The following CACNB2 variants were observed in gnomAD, a reference collection of about 807,000 sequenced individuals.
CACNB2 encodes voltage-dependent L-type calcium channel subunit beta-2.
A neutral mutation model predicts 73.3 loss-of-function variants in CACNB2; 42 were observed. The observed-to-expected ratio is 0.57, with a 90% confidence interval of 0.45 to 0.74. CACNB2 has a LOEUF of 0.74. Ranked by LOEUF, CACNB2 falls within the 30% of genes least tolerant of loss-of-function variation. The pLI, the probability that CACNB2 is intolerant of heterozygous loss-of-function variation, is 0.00. For synonymous variants in CACNB2, 348 were observed against 310.3 expected (o/e 1.12, Z -1.28); for missense variants, 940 against 853.0 (o/e 1.10, Z -1.27).
At chr10:18,457,825 G>T (rs1255100058) in intron 3 of CACNB2, among the ~76,000 whole-genome samples, 1 of 152,148 alleles carries the variant, frequency 6.6e-6, no homozygotes, top group Non-Finnish European at 1.5e-5. Flanking sequence ...GGGAGGCGGA[G>T]GTTGTGGTGA....
intron 3 of CACNB2, among the ~76,000 whole-genome samples, chr10:18,493,780 A>T: frequency 6.6e-6 from 1 of 152,130 alleles, no homozygotes; most frequent in Non-Finnish European, 1.5e-5. Flanking sequence ...TATGGAGAAT[A>T]CCTTCCACAT....
At chr10:18,532,706 A>AAAC (rs2053182861) in intron 10 of CACNB2, among the ~76,000 whole-genome samples, 6 of 64,766 alleles carry the variant, frequency 9.3e-5, no homozygotes, top group African/African-American at 3.2e-4. Flanking sequence ...ACAAAACAAA[A>AAAC]AAACAAACAA....
intron 2 of CACNB2, among the ~76,000 whole-genome samples, chr10:18,308,515 C>T (rs1159508367): frequency 6.6e-6 from 1 of 152,172 alleles, no homozygotes; most frequent in African/African-American, 2.4e-5. Flanking sequence ...TAGTGTCCTA[C>T]AGCAAAATTT....
At chr10:18,533,637 C>T (rs575704590) in intron 10 of CACNB2, among the ~76,000 whole-genome samples, 1 of 152,234 alleles carries the variant, frequency 6.6e-6, no homozygotes, top group Non-Finnish European at 1.5e-5. Flanking sequence ...ATCTAGACGG[C>T]ATACAGGTGA....
intron 2 of CACNB2, among the ~76,000 whole-genome samples, chr10:18,313,342 TG>T (rs2040032754): frequency 6.7e-6 from 1 of 150,180 alleles, no homozygotes. Context: ...CATGGTAGGA[TG>T]GTTAGCAGCG....
At chr10:18,146,830 C>T (rs542572971) in intron 1 of CACNB2, among the ~76,000 whole-genome samples, 128 of 152,214 alleles carry the variant, frequency 8.4e-4, no homozygotes, top group African/African-American at 2.9e-3. Context: ...GCCATGTTGG[C>T]CAGGCTAGTG....
chr10:18,418,247 G>T (rs1207950808), intron 3 of CACNB2, among the ~76,000 whole-genome samples: 1 of 152,134 alleles, frequency 6.6e-6, no homozygotes, highest in African/African-American at 2.4e-5. Context: ...GCTAATTTTT[G>T]TATTTTTAGT....
intron 9 of CACNB2, chr10:18,520,221 C>G (rs187165230): frequency 4.5e-5 from 7 of 153,882 alleles, no homozygotes; most frequent in African/African-American, 1.7e-4. Context: ...TAACCTCCCC[C>G]AAAACTTACT....
chr10:18,420,790 T>C (rs2045278460), intron 3 of CACNB2, among the ~76,000 whole-genome samples: 1 of 152,218 alleles, frequency 6.6e-6, no homozygotes, highest in African/African-American at 2.4e-5. Flanking sequence ...CCATCTTCAG[T>C]CTAGAATTTA....
At chr10:18,509,371 C>T (rs528280021) in intron 6 of CACNB2, among the ~76,000 whole-genome samples, 1 of 152,282 alleles carries the variant, frequency 6.6e-6, no homozygotes, top group East Asian at 1.9e-4. Context: ...GGAAAATTTC[C>T]CACTTGACAT....
chr10:18,148,796 A>G (rs1385955325), intron 1 of CACNB2, among the ~76,000 whole-genome samples: 1 of 152,044 alleles, frequency 6.6e-6, no homozygotes, highest in African/African-American at 2.4e-5. Flanking sequence ...TGAGTTCAAG[A>G]CCAGCCTAGG....
intron 5 of CACNB2, among the ~76,000 whole-genome samples, chr10:18,501,720 C>T (rs567069275): frequency 1.3e-5 from 2 of 152,218 alleles, no homozygotes; most frequent in Non-Finnish European, 2.9e-5. Flanking sequence ...CTCCATCTTA[C>T]ATCTTATTTG....
chr10:18,197,590 A>C (rs938044668), intron 2 of CACNB2, among the ~76,000 whole-genome samples: 1 of 152,130 alleles, frequency 6.6e-6, no homozygotes, highest in African/African-American at 2.4e-5. Flanking sequence ...GCATCTTAAG[A>C]GGGCGCTTTT....
At chr10:18,489,572 G>T (rs1258749178) in intron 3 of CACNB2, among the ~76,000 whole-genome samples, 2 of 151,814 alleles carry the variant, frequency 1.3e-5, no homozygotes, top group Non-Finnish European at 2.9e-5. Flanking sequence ...CACAGTGAAT[G>T]GCTGGGAGAA....
At chr10:18,417,820 T>C (rs574658166) in intron 3 of CACNB2, among the ~76,000 whole-genome samples, 2 of 152,164 alleles carry the variant, frequency 1.3e-5, no homozygotes, top group Admixed American at 6.5e-5. Flanking sequence ...GTATGAAGAA[T>C]GCTGAAGAAA....
chr10:18,391,192 G>A (rs1434483811), intron 2 of CACNB2, among the ~76,000 whole-genome samples: 1 of 152,090 alleles, frequency 6.6e-6, no homozygotes, highest in African/African-American at 2.4e-5. Context: ...CATTTGTGGA[G>A]GTTTGTGATA....
chr10:18,156,268 A>T (rs150285776), intron 2 of CACNB2, among the ~76,000 whole-genome samples: 228 of 152,390 alleles, frequency 1.5e-3, no homozygotes, highest in African/African-American at 5.2e-3. Context: ...GCTCTAAAGC[A>T]GAACAGCAGC....
intron 2 of CACNB2, among the ~76,000 whole-genome samples, chr10:18,394,296 C>T (rs1000189066): frequency 4.6e-5 from 7 of 152,070 alleles, no homozygotes; most frequent in Admixed American, 3.3e-4. Context: ...AGAGAGCAAG[C>T]GAGCGTGCCT....
At chr10:18,484,048 G>A (rs1323978547) in intron 3 of CACNB2, among the ~76,000 whole-genome samples, 1 of 152,178 alleles carries the variant, frequency 6.6e-6, no homozygotes, top group Non-Finnish European at 1.5e-5. Flanking sequence ...TGTCTAGCAA[G>A]ATTGCCTTAT....
Sources: allele counts gnomAD v4.1 joint callset (sites outside exome capture counted in the v4.1 genomes callset), GRCh38; gene constraint gnomAD v4.1.1; transcripts MANE v1.5; gene names NCBI Gene and HGNC (gene_info 2026-07-23, HGNC 2026-07-21).